The following SUMF1 variants were observed in gnomAD, a reference collection of about 807,000 sequenced individuals.
The protein encoded by SUMF1 is sulfatase modifying factor 1.
SUMF1 carries 48 observed loss-of-function variants against 47.6 expected under a neutral mutation model. The observed-to-expected ratio is 1.01, with a 90% CI of 0.80 to 1.28. The LOEUF is 1.28. Among genes scored for constraint, SUMF1 ranks in the 50% most tolerant of loss-of-function variants. SUMF1 has a pLI of 0.00. For missense variants in SUMF1, 571 were observed against 485.4 expected, an observed-to-expected ratio of 1.18 and a Z score of -1.66; for synonymous variants, 230 against 192.1, an observed-to-expected ratio of 1.20 and a Z score of -1.63.
intron 8 of SUMF1, among the ~76,000 whole-genome samples, chr3:4,246,546 C>T (rs571512731): frequency 2.3e-4 from 35 of 152,104 alleles, no homozygotes; most frequent in African/African-American, 5.8e-4. Flanking sequence ...GGACTACAGG[C>T]GCACGCCACC....
downstream of SUMF1, among the ~76,000 whole-genome samples, chr3:4,358,461 C>T (rs754826217): frequency 8.5e-5 from 13 of 152,182 alleles, no homozygotes; most frequent in South Asian, 4.1e-4. Context: ...GCAGAAATAG[C>T]TCACAAGTGA....
At chr3:4,426,555 T>A (rs1266687700) in intron 3 of SUMF1, among the ~76,000 whole-genome samples, 2 of 152,326 alleles carry the variant, frequency 1.3e-5, no homozygotes, top group African/African-American at 4.8e-5. Context: ...TCTACTAGGT[T>A]TAGGAACTTA....
At chr3:4,292,853 C>G (rs563518055) in intron 8 of SUMF1, among the ~76,000 whole-genome samples, 3 of 152,242 alleles carry the variant, frequency 2.0e-5, no homozygotes, top group African/African-American at 7.2e-5. Flanking sequence ...AAAAAAGACA[C>G]ACATATTTCA....
chr3:4,324,739 G>C (rs950526155), intron 8 of SUMF1, among the ~76,000 whole-genome samples: 1 of 152,204 alleles, frequency 6.6e-6, no homozygotes, highest in Middle Eastern at 3.4e-3. Context: ...ATCTGTTTGG[G>C]CTCAAAAGAA....
At chr3:4,150,724 AC>A (rs1694299965) in intron 8 of SUMF1, among the ~76,000 whole-genome samples, 1 of 151,544 alleles carries the variant, frequency 6.6e-6, no homozygotes, top group African/African-American at 2.4e-5. Flanking sequence ...CAACAGTGAT[AC>A]CACTATGAAA....
At chr3:4,121,953 G>C (rs1183339897) in intron 8 of SUMF1, among the ~76,000 whole-genome samples, 2 of 152,062 alleles carry the variant, frequency 1.3e-5, no homozygotes, top group Admixed American at 6.6e-5. Flanking sequence ...ATTTATAAGT[G>C]AGAACATGTG....
intron 8 of SUMF1, among the ~76,000 whole-genome samples, chr3:4,160,364 C>A (rs1275154845): frequency 6.6e-6 from 1 of 152,052 alleles, no homozygotes; most frequent in Non-Finnish European, 1.5e-5. Context: ...CTCAGCCTCC[C>A]AAGTAGCTGG....
intron 8 of SUMF1, among the ~76,000 whole-genome samples, chr3:4,121,898 G>A (rs1361383172): frequency 1.3e-5 from 2 of 152,020 alleles, no homozygotes; most frequent in Non-Finnish European, 2.9e-5. Context: ...GCCCCAGTGT[G>A]TTGTTCCCTT....
intron 8 of SUMF1, among the ~76,000 whole-genome samples, chr3:4,233,264 T>C (rs887838402): frequency 1.3e-5 from 2 of 152,072 alleles, no homozygotes; most frequent in African/African-American, 4.8e-5. Context: ...GCCTAGCAGG[T>C]CAATGTTAGT....
intron 8 of SUMF1, among the ~76,000 whole-genome samples, chr3:4,255,212 A>C (rs1203460358): frequency 1.5e-5 from 2 of 136,274 alleles, no homozygotes; most frequent in Non-Finnish European, 3.3e-5. Flanking sequence ...TCAACTAACG[A>C]GCAAAATCAC....
chr3:4,149,113 C>A (rs548889156), intron 8 of SUMF1, among the ~76,000 whole-genome samples: 1 of 152,240 alleles, frequency 6.6e-6, no homozygotes, highest in Admixed American at 6.5e-5. Context: ...CTGGAACTCT[C>A]TGGAACTTTC....
intron 8 of SUMF1, among the ~76,000 whole-genome samples, chr3:4,265,929 G>A (rs1007341879): frequency 1.3e-4 from 20 of 152,048 alleles, no homozygotes; most frequent in Non-Finnish European, 5.9e-5. Flanking sequence ...AAGGGATCCA[G>A]TTTCAGCTTT....
intron 8 of SUMF1, among the ~76,000 whole-genome samples, chr3:4,258,892 A>G (rs1697018959): frequency 1.5e-5 from 2 of 136,020 alleles, no homozygotes; most frequent in Non-Finnish European, 3.2e-5. Flanking sequence ...GACTGGATTA[A>G]GAAAATGTCG....
chr3:4,097,643 T>G (rs17039888), intron 8 of SUMF1, among the ~76,000 whole-genome samples: 4,672 of 152,212 alleles, frequency 0.031, 265 homozygotes, highest in African/African-American at 0.11. Context: ...CATGTGTTCT[T>G]CCTTTTAATA....
intron 1 of SUMF1, among the ~76,000 whole-genome samples, chr3:4,457,038 G>GTGTGTGTATA (rs2079669518): frequency 2.7e-5 from 3 of 109,212 alleles, no homozygotes; most frequent in Non-Finnish European, 6.2e-5. Flanking sequence ...ACGTGTGTGT[G>GTGTGTGTATA]TATATATATA....
chr3:4,354,743 G>T (rs767511954), intron 8 of SUMF1, among the ~76,000 whole-genome samples: 3 of 152,098 alleles, frequency 2.0e-5, no homozygotes, highest in African/African-American at 7.2e-5. Context: ...CTCCATGGCT[G>T]CCCAGGACCA....
intron 8 of SUMF1, among the ~76,000 whole-genome samples, chr3:4,136,206 T>C (rs533387134): frequency 0.02 from 3,071 of 152,198 alleles, 114 homozygotes; most frequent in African/African-American, 0.069. Flanking sequence ...GGAGGCATCA[T>C]GCTACCTGAC....
At chr3:4,350,002 CT>C (rs766765804) in intron 8 of SUMF1, among the ~76,000 whole-genome samples, 398 of 139,038 alleles carry the variant, frequency 2.9e-3, no homozygotes, top group African/African-American at 3.0e-3. Flanking sequence ...GTATTATTTT[CT>C]TTTTTTTTTT....
chr3:4,066,955 T>C (rs1695392154), intron 9 of SUMF1, among the ~76,000 whole-genome samples: 1 of 152,172 alleles, frequency 6.6e-6, no homozygotes, highest in East Asian at 1.9e-4. Flanking sequence ...TGGATGGTGT[T>C]CCTTACTGAA....
Sources: allele counts gnomAD v4.1 joint callset (sites outside exome capture counted in the v4.1 genomes callset), GRCh38; gene constraint gnomAD v4.1.1; transcripts MANE v1.5; gene names NCBI Gene and HGNC (gene_info 2026-07-23, HGNC 2026-07-21).